SLC1A1: variants seen among roughly 807,000 people sequenced by gnomAD.
The protein encoded by SLC1A1 is solute carrier family 1 member 1.
A neutral mutation model predicts 53.3 loss-of-function variants in SLC1A1; 43 were observed. That is an observed-to-expected ratio of 0.81 (90% confidence interval 0.63 to 1.04). SLC1A1 has a LOEUF of 1.04. Ranked by LOEUF, SLC1A1 falls within the 50% of genes least tolerant of loss-of-function variation. SLC1A1 has a pLI of 0.00. For synonymous variants in SLC1A1, 307 were observed against 243.2 expected, an observed-to-expected ratio of 1.26 and a Z score of -2.44; for missense variants, 748 against 664.9, an observed-to-expected ratio of 1.12 and a Z score of -1.37.
At position 4,583,229 on chromosome 9, in the gene SLC1A1, C is replaced by A; in HGVS notation, c.1328+57C>A. The A allele has an allele frequency of 6.2e-7, 1 of 1,605,430 alleles. No homozygotes were observed. On this transcript the variant is annotated intron_variant, in intron 11 of 11. Coordinates refer to ENST00000262352, the MANE Select transcript of SLC1A1 (RefSeq NM_004170.6). This position sits in a 1 kb window ranked among gnomAD's most constrained non-coding sequence, Gnocchi z 4.6. ...GATGTGCAGGCGGGCTTCCCAGCCT[C>A]GCAGGCGCTGCAGTCTGTCATCATT...
At position 4,490,717 on chromosome 9, in the gene SLC1A1, G is replaced by C. The variant is rs766880181; in HGVS notation, c.38G>C (p.Arg13Pro). Residue 13 changes from arginine (R) to proline (P), a missense_variant, in exon 1 of 12, where the codon CGC becomes CCC. Transcript: ENST00000262352. Reference protein sequence around the residue: ...KPARKGCEWKRFLKNNWVLLS... With the variant: ...KPARKGCEWKPFLKNNWVLLS... Reference sequence around the variant, plus strand: ...GCGAGGAAAGGATGCGAGTGGAAGCGCTTCCTGAAGAATAACTGGGTGTTG... The same window carrying C: ...GCGAGGAAAGGATGCGAGTGGAAGCCCTTCCTGAAGAATAACTGGGTGTTG... 7.4e-6 allele frequency: 12 copies of C among 1,612,720 alleles called. No homozygotes were observed. The African/African-American group carries it at 1.6e-4, about 22-fold the overall frequency.
At chr9:4,540,393 G>C (rs1485963890) in intron 1 of SLC1A1, among the ~76,000 whole-genome samples, 1 of 152,166 alleles carries the variant, frequency 6.6e-6, no homozygotes, top group Non-Finnish European at 1.5e-5. Context: ...GCTAAAGGCT[G>C]TCACACTGAC....
At position 4,492,231 on chromosome 9, in the gene SLC1A1, G is replaced by C. The variant is rs1031110807; in HGVS notation, c.91+1461G>C. Among the ~76,000 whole-genome samples, 6 of 152,150 alleles carry C rather than the reference G, an allele frequency of 3.9e-5. No individual in the cohort carries two copies. The East Asian group carries it at 1.2e-3, about 29-fold the overall frequency. ...TTAAATAGCATACGCTACAAAGAAC[G>C]ACTTGATTTCCTTTAGGCCAAAGAG... is the stretch of plus-strand genomic sequence containing the variant. On this transcript the variant is annotated intron_variant, in intron 1 of 11. Transcript: ENST00000262352.
At chr9:4,565,951 C>G in intron 4 of SLC1A1, 96 bp from the exon 5 acceptor site, 1 of 931,206 alleles carries the variant, frequency 1.1e-6, no homozygotes, top group South Asian at 1.3e-5. Flanking sequence ...AACCAGAGTA[C>G]TAGTTTTATG....
intron 2 of SLC1A1, chr9:4,553,681 T>A (rs1376892981): frequency 6.6e-6 from 1 of 152,254 alleles, no homozygotes; most frequent in Non-Finnish European, 1.5e-5. Context: ...CACTGCTTCT[T>A]GATGCATGTT....
chr9:4,573,799 G>A (rs1820289873), intron 7 of SLC1A1, 108 bp from the exon 8 acceptor site: 1 of 789,584 alleles, frequency 1.3e-6, no homozygotes, highest in Admixed American at 1.7e-5. Flanking sequence ...TCCACCAAGT[G>A]TGCATGCCAA....
In SLC1A1 at chr9:4,544,502, A is replaced by T. The variant is rs999841642; in HGVS notation, c.92-65A>T. 11 of 1,439,526 alleles carry T rather than the reference A, an allele frequency of 7.6e-6. No homozygotes were observed. In the African/African-American group the frequency reaches 1.5e-4, roughly 20 times the overall value. The allele number at this position is 1,439,526 out of a possible 1,614,324, so 89.2% of individuals were successfully genotyped here. A position where few individuals can be genotyped will look rare whatever the true frequency, so the allele number is the denominator to read the frequency against. ...TGTGCATTTGGGAGTATTTTTCCAT[A>T]GACATAGATACAGGAGAACTCAATA... On this transcript the variant is annotated intron_variant, in intron 1 of 11. Transcript: ENST00000262352.
At chr9:4,542,108 C>T (rs944798148) in intron 1 of SLC1A1, among the ~76,000 whole-genome samples, 2 of 142,876 alleles carry the variant, frequency 1.4e-5, no homozygotes, top group Non-Finnish European at 3.1e-5. Flanking sequence ...ATCCCAACTT[C>T]ATTTCCAGCA....
At chr9:4,498,096 C>A (rs531745129) in intron 1 of SLC1A1, among the ~76,000 whole-genome samples, 9 of 152,188 alleles carry the variant, frequency 5.9e-5, no homozygotes, top group African/African-American at 2.2e-4. Context: ...GTCCTTCTAG[C>A]TTTAAGAACC....
At chr9:4,579,418 T>C (rs1309010974) in intron 10 of SLC1A1, among the ~76,000 whole-genome samples, 1 of 152,270 alleles carries the variant, frequency 6.6e-6, no homozygotes, top group Non-Finnish European at 1.5e-5. Flanking sequence ...CCTATTCTTT[T>C]GTGTATTTGA....
At chr9:4,533,117 T>C (rs912398282) in intron 1 of SLC1A1, among the ~76,000 whole-genome samples, 7 of 152,030 alleles carry the variant, frequency 4.6e-5, no homozygotes, top group African/African-American at 1.4e-4. Context: ...ACACACCAAA[T>C]TGTAAAGACC....
chr9:4,560,248 T>C (rs957542757), intron 2 of SLC1A1, among the ~76,000 whole-genome samples: 1 of 152,182 alleles, frequency 6.6e-6, no homozygotes, highest in Non-Finnish European at 1.5e-5. Context: ...CTAACCAGAA[T>C]GGATAATGAC....
At chr9:4,508,190 G>A (rs546046508) in intron 1 of SLC1A1, among the ~76,000 whole-genome samples, 4 of 152,306 alleles carry the variant, frequency 2.6e-5, no homozygotes, top group African/African-American at 4.8e-5. Flanking sequence ...AATCACCCAT[G>A]AGATTAGCAA....
chr9:4,520,965 C>A (rs1168726136), intron 1 of SLC1A1, among the ~76,000 whole-genome samples: 1 of 152,198 alleles, frequency 6.6e-6, no homozygotes, highest in Non-Finnish European at 1.5e-5. Flanking sequence ...AATAGCCATT[C>A]TAATGAGTAC....
intron 2 of SLC1A1, among the ~76,000 whole-genome samples, chr9:4,555,990 A>ATT (rs71326117): frequency 2.8e-5 from 4 of 141,938 alleles, no homozygotes; most frequent in African/African-American, 5.2e-5. Flanking sequence ...TACTAGCCCT[A>ATT]TTTTTTTTTT....
rs868687622 is a variant in SLC1A1, at chr9:4,583,893, C to T, written c.1328+721C>T. The stretch of plus-strand genomic sequence containing the variant: ...TCTCTCTCTCTCTCTCACACACACA[C>T]ACACACACACACACACACATATGGA... On this transcript the variant is annotated intron_variant, in intron 11 of 11. Coordinates refer to ENST00000262352, the MANE Select transcript of SLC1A1 (RefSeq NM_004170.6). This position sits in a 1 kb window ranked among gnomAD's most constrained non-coding sequence, Gnocchi z 4.6. Among the ~76,000 whole-genome samples the T allele has an allele frequency of 0.012, 1,730 of 149,140 alleles. 16 individuals are homozygous for T. Among genetic ancestry groups the T allele is most frequent in the Non-Finnish European group, 0.018 (1,230 of 66,566 alleles).
intron 1 of SLC1A1, among the ~76,000 whole-genome samples, chr9:4,527,242 A>G (rs1180045839): frequency 6.6e-6 from 1 of 152,192 alleles, no homozygotes; most frequent in Non-Finnish European, 1.5e-5. Flanking sequence ...AGGAAGGAAT[A>G]CAGCCTAATT....
At chr9:4,542,097 C>CATCTCTGAAT (rs144510603) in intron 1 of SLC1A1, among the ~76,000 whole-genome samples, 20,660 of 152,028 alleles carry the variant, frequency 0.14, 1,681 homozygotes, top group African/African-American at 0.21. Flanking sequence ...CTCAGTGTGA[C>CATCTCTGAAT]ATCCCAACTT....
At chr9:4,503,797 C>T (rs1041433819) in intron 1 of SLC1A1, among the ~76,000 whole-genome samples, 2 of 151,876 alleles carry the variant, frequency 1.3e-5, no homozygotes, top group Non-Finnish European at 2.9e-5. Flanking sequence ...ATTGTACTTA[C>T]TTCACAGGAG....
Sources: allele counts gnomAD v4.1 joint callset (sites outside exome capture counted in the v4.1 genomes callset), GRCh38; gene constraint gnomAD v4.1.1; non-coding constraint Gnocchi (gnomAD v3.1); transcripts MANE v1.5; gene names NCBI Gene and HGNC (gene_info 2026-07-23, HGNC 2026-07-21).